Variants in SCAPER observed in about 807,000 individuals in gnomAD.
SCAPER encodes S phase cyclin A-associated protein in the endoplasmic reticulum.
In SCAPER, 98 loss-of-function variants were observed where a neutral mutation model predicts 182.2. The ratio of observed to expected loss-of-function variants is 0.54; its 90% CI spans 0.46 to 0.64. The LOEUF (loss-of-function observed/expected upper bound fraction) is 0.64. Ranked by LOEUF, SCAPER falls within the 30% of genes least tolerant of loss-of-function variation. The pLI is 0.00. For synonymous variants in SCAPER, 605 were observed against 564.6 expected, an observed-to-expected ratio of 1.07 and a Z score of -1.01; for missense variants, 1,432 against 1,690.0, an observed-to-expected ratio of 0.85 and a Z score of 2.68.
chr15:76,569,640 C>A (rs1489490193), intron 23 of SCAPER, among the ~76,000 whole-genome samples: 1 of 152,090 alleles, frequency 6.6e-6, no homozygotes, highest in Non-Finnish European at 1.5e-5. Context: ...ATACTTCTCT[C>A]TTCTCCTTTT....
intron 21 of SCAPER, among the ~76,000 whole-genome samples, chr15:76,640,643 A>G (rs1159716892): frequency 6.6e-6 from 1 of 152,204 alleles, no homozygotes; most frequent in Non-Finnish European, 1.5e-5. Context: ...TGGAAAAAAT[A>G]TTCTTCAATC....
intron 8 of SCAPER, among the ~76,000 whole-genome samples, chr15:76,787,869 C>T (rs2064728701): frequency 6.6e-6 from 1 of 152,072 alleles, no homozygotes; most frequent in Admixed American, 6.6e-5. Context: ...AATCATACTT[C>T]ATCAAAATTG....
chr15:76,678,665 G>A (rs1179727489), intron 20 of SCAPER, among the ~76,000 whole-genome samples: 2 of 151,908 alleles, frequency 1.3e-5, no homozygotes, highest in African/African-American at 4.8e-5. Flanking sequence ...GTACCTGGAA[G>A]AGAAAGAAGA....
At chr15:76,436,586 T>C (rs2047212246) in intron 25 of SCAPER, among the ~76,000 whole-genome samples, 1 of 152,170 alleles carries the variant, frequency 6.6e-6, no homozygotes, top group African/African-American at 2.4e-5. Context: ...ATGGATGCAA[T>C]ATCTTCTCAT....
chr15:76,636,848 T>G (rs2053643710), intron 21 of SCAPER, among the ~76,000 whole-genome samples: 1 of 152,214 alleles, frequency 6.6e-6, no homozygotes, highest in South Asian at 2.1e-4. Flanking sequence ...TTAACTATAT[T>G]GTGGAGGTAC....
At position 76,561,657 on chromosome 15, in the gene SCAPER, A is replaced by G. The variant is rs994444588; in HGVS notation, c.2838+12501T>C. On this transcript the variant is annotated intron_variant, in intron 23 of 31. Coordinates refer to ENST00000563290, the MANE Select transcript of SCAPER (RefSeq NM_020843.4). ...TTAAAACTGGTCTTTTCAATAAACG[A>G]CACTCAAGAAATTATGCATCTATAC... is the stretch of plus-strand genomic sequence containing the variant. Among the ~76,000 whole-genome samples the G allele has an allele frequency of 9.9e-4, 150 of 152,120 alleles. 3 individuals are homozygous for G. The highest frequency in any genetic ancestry group is 3.4e-3 in the Middle Eastern group (1 of 294).
chr15:76,371,801 C>T (rs1044436087), intron 29 of SCAPER, among the ~76,000 whole-genome samples: 2 of 151,792 alleles, frequency 1.3e-5, no homozygotes, highest in Non-Finnish European at 2.9e-5. Flanking sequence ...GCCTGTGATC[C>T]CAGCTACTCA....
At chr15:76,497,434 A>G (rs1484503437) in intron 24 of SCAPER, among the ~76,000 whole-genome samples, 1 of 152,166 alleles carries the variant, frequency 6.6e-6, no homozygotes, top group African/African-American at 2.4e-5. Flanking sequence ...GGATGGCATA[A>G]AACATAGCTG....
At chr15:76,571,245 T>A (rs976555565) in intron 23 of SCAPER, among the ~76,000 whole-genome samples, 1 of 152,194 alleles carries the variant, frequency 6.6e-6, no homozygotes. Context: ...AGCTATTTGA[T>A]GCTTTTAAGA....
At chr15:76,435,023 A>T (rs2047106426) in intron 25 of SCAPER, among the ~76,000 whole-genome samples, 1 of 152,214 alleles carries the variant, frequency 6.6e-6, no homozygotes, top group African/African-American at 2.4e-5. Flanking sequence ...ACTTGGTGAC[A>T]ACCAGCCTTT....
At chr15:76,685,213 G>A (rs2057964463) in intron 20 of SCAPER, among the ~76,000 whole-genome samples, 1 of 151,898 alleles carries the variant, frequency 6.6e-6, no homozygotes, top group Non-Finnish European at 1.5e-5. Flanking sequence ...AGCAAACATC[G>A]TTTTAAGTGA....
At chr15:76,703,353 T>C (rs746530963) in intron 18 of SCAPER, among the ~76,000 whole-genome samples, 26 of 152,216 alleles carry the variant, frequency 1.7e-4, no homozygotes, top group Non-Finnish European at 1.9e-4. Flanking sequence ...TAGCTTTTAG[T>C]AGGCATCAAC....
At chr15:76,664,158 C>T (rs1214574605) in intron 21 of SCAPER, among the ~76,000 whole-genome samples, 5 of 152,070 alleles carry the variant, frequency 3.3e-5, no homozygotes, top group Non-Finnish European at 7.4e-5. Context: ...ACAAGAGCAG[C>T]GACAGGCTGT....
chr15:76,600,376 AGTGTGTGTATAT>A (rs1370710680), intron 22 of SCAPER, among the ~76,000 whole-genome samples: 2 of 75,858 alleles, frequency 2.6e-5, no homozygotes, highest in African/African-American at 6.6e-5. Context: ...ATACTTGGAA[AGTGTGTGTATAT>A]GTGTGTGTGT....
chr15:76,844,526 A>C (rs889418469), intron 4 of SCAPER, among the ~76,000 whole-genome samples: 1 of 152,186 alleles, frequency 6.6e-6, no homozygotes, highest in African/African-American at 2.4e-5. Context: ...GAGATGAAAA[A>C]GGAGACATTA....
At chr15:76,505,007 T>C (rs1323986470) in intron 23 of SCAPER, 33 bp from the exon 24 acceptor site, 1 of 1,535,118 alleles carries the variant, frequency 6.5e-7, no homozygotes, top group Non-Finnish European at 9.0e-7. Flanking sequence ...GTTAGCCCAA[T>C]TTCCCAGGCA....
Position 76,751,894 on chromosome 15 carries a change from T to C in SCAPER, c.1866+1914A>G, listed in dbSNP as rs372280963. ...ACAGACAAATTGGACTTTGTGAAAATTAAAACATTTTGCATGTCAAAAGAT... is the reference window on the plus strand; with the variant it reads ...ACAGACAAATTGGACTTTGTGAAAACTAAAACATTTTGCATGTCAAAAGAT... On this transcript the variant is annotated intron_variant, in intron 15 of 31. Coordinates refer to ENST00000563290, the MANE Select transcript of SCAPER (RefSeq NM_020843.4). Among the ~76,000 whole-genome samples, 290 of 151,624 alleles carry C rather than the reference T, an allele frequency of 1.9e-3. 15 individuals are homozygous for C. In the South Asian group the frequency reaches 0.058, roughly 30 times the overall value.
intron 24 of SCAPER, among the ~76,000 whole-genome samples, chr15:76,485,925 C>T (rs774896164): frequency 2.0e-4 from 31 of 151,832 alleles, no homozygotes; most frequent in Admixed American, 5.3e-4. Context: ...CGAAAACTAT[C>T]GGCTGGGTGC....
chr15:76,441,415 G>A (rs2047591099), intron 25 of SCAPER, among the ~76,000 whole-genome samples: 1 of 152,110 alleles, frequency 6.6e-6, no homozygotes, highest in Non-Finnish European at 1.5e-5. Flanking sequence ...GCTTACAAAA[G>A]TCTTCGTTAT....
Sources: gnomAD v4.1 joint callset for allele counts (sites outside exome capture counted in the v4.1 genomes callset) on GRCh38, gnomAD v4.1.1 for gene constraint, MANE v1.5 for transcripts, NCBI Gene and HGNC (gene_info 2026-07-23, HGNC 2026-07-21) for gene names.